Variants in PCDH9 observed in about 807,000 individuals in gnomAD.
PCDH9 encodes protocadherin 9, also known as protocadherin-9.
A neutral mutation model predicts 70.6 loss-of-function variants in PCDH9; 24 were observed. That is an observed-to-expected ratio of 0.34 (90% CI 0.25 to 0.48). PCDH9 has a LOEUF of 0.48. PCDH9 is among the 20% of genes least tolerant of loss of function. PCDH9 has a pLI of 0.99. For synonymous variants in PCDH9, 562 were observed against 558.5 expected (o/e 1.01, Z -0.09); for missense variants, 1,281 against 1,503.6 (o/e 0.85, Z 2.45).
chr13:67,183,058 TTAC>T (rs1207672185), intron 2 of PCDH9, among the ~76,000 whole-genome samples: 1 of 152,160 alleles, frequency 6.6e-6, no homozygotes, highest in Non-Finnish European at 1.5e-5. Flanking sequence ...TCTATGACTG[TTAC>T]TACTACTATA....
At chr13:67,094,012 C>T (rs2086271363) in intron 2 of PCDH9, among the ~76,000 whole-genome samples, 1 of 152,118 alleles carries the variant, frequency 6.6e-6, no homozygotes, top group Admixed American at 6.6e-5. Context: ...CTCCCATTGT[C>T]TCTGAAGAAT....
chr13:66,630,937 A>G (rs557254133), intron 4 of PCDH9, among the ~76,000 whole-genome samples: 12 of 152,266 alleles, frequency 7.9e-5, no homozygotes, highest in African/African-American at 2.9e-4. Context: ...TGACATCAGA[A>G]TATCTTGCAA....
chr13:67,118,642 A>T (rs1271211783), intron 2 of PCDH9, among the ~76,000 whole-genome samples: 1 of 152,152 alleles, frequency 6.6e-6, no homozygotes, highest in Non-Finnish European at 1.5e-5. Flanking sequence ...ATACACATAC[A>T]CCTTTAAATT....
intron 3 of PCDH9, among the ~76,000 whole-genome samples, chr13:66,858,539 T>G (rs966347549): frequency 2.0e-5 from 3 of 152,166 alleles, no homozygotes; most frequent in African/African-American, 7.2e-5. Context: ...TTTCCCTCTG[T>G]GTAGAATTTC....
intron 3 of PCDH9, among the ~76,000 whole-genome samples, chr13:66,665,364 C>A (rs1736126063): frequency 6.6e-6 from 1 of 152,122 alleles, no homozygotes; most frequent in African/African-American, 2.4e-5. Context: ...TCCCAAAGTG[C>A]TGGGATTACA....
chr13:66,462,904 A>C (rs1290155773), intron 4 of PCDH9, among the ~76,000 whole-genome samples: 1 of 151,812 alleles, frequency 6.6e-6, no homozygotes, highest in Non-Finnish European at 1.5e-5. Flanking sequence ...TATACAAAGA[A>C]TTTTAACAAT....
intron 3 of PCDH9, among the ~76,000 whole-genome samples, chr13:66,732,142 G>A (rs1253482447): frequency 6.6e-6 from 1 of 151,610 alleles, no homozygotes; most frequent in Non-Finnish European, 1.5e-5. Flanking sequence ...AACTTTCTTT[G>A]ATATACAATA....
chr13:67,197,262 T>A (rs2138040330), intron 2 of PCDH9, among the ~76,000 whole-genome samples: 1 of 152,072 alleles, frequency 6.6e-6, no homozygotes, highest in South Asian at 2.1e-4. Flanking sequence ...ATCAATGCAT[T>A]CATTCCTATG....
At chr13:66,899,736 T>A (rs1287362364) in intron 3 of PCDH9, among the ~76,000 whole-genome samples, 1 of 151,978 alleles carries the variant, frequency 6.6e-6, no homozygotes, top group Non-Finnish European at 1.5e-5. Context: ...ATTATGCATT[T>A]ATGGCATAAA....
At chr13:66,762,722 C>T (rs186024256) in intron 3 of PCDH9, among the ~76,000 whole-genome samples, 11 of 151,918 alleles carry the variant, frequency 7.2e-5, no homozygotes, top group South Asian at 4.2e-4. Context: ...CCATCTAACT[C>T]GACTCAATCC....
intron 3 of PCDH9, among the ~76,000 whole-genome samples, chr13:66,717,150 C>A (rs865873474): frequency 1.3e-5 from 2 of 151,730 alleles, no homozygotes; most frequent in African/African-American, 4.8e-5. Context: ...CACCATATGG[C>A]AACTTTAAAA....
chr13:66,957,942 A>C (rs1193417565), intron 2 of PCDH9, among the ~76,000 whole-genome samples: 1 of 152,246 alleles, frequency 6.6e-6, no homozygotes, highest in African/African-American at 2.4e-5. Context: ...AGGTGACATT[A>C]CACTTTTTAT....
rs145911964 is a variant in PCDH9 at position 67,005,450 on chromosome 13, G to A, written c.3037-101845C>T. Among the ~76,000 whole-genome samples the A allele has an allele frequency of 2.0e-4, 30 of 152,242 alleles. No homozygotes were observed. The East Asian group carries it at 5.6e-3, about 28-fold the overall frequency. On this transcript the variant is annotated intron_variant, in intron 2 of 4. Coordinates refer to ENST00000377865, the MANE Select transcript of PCDH9 (RefSeq NM_203487.3). ...AATTTCAGATAATACTTATTACTTTGTCATTAGAACTCATTCCCCTCACAC... is the reference window on the plus strand; with the variant it reads ...AATTTCAGATAATACTTATTACTTTATCATTAGAACTCATTCCCCTCACAC...
chr13:66,925,797 A>T (rs994583504), intron 2 of PCDH9, among the ~76,000 whole-genome samples: 1 of 152,038 alleles, frequency 6.6e-6, no homozygotes. Context: ...ATTTTCAATG[A>T]TACTTTGTAA....
intron 4 of PCDH9, among the ~76,000 whole-genome samples, chr13:66,427,610 G>A (rs1355487804): frequency 6.6e-6 from 1 of 151,730 alleles, no homozygotes; most frequent in Non-Finnish European, 1.5e-5. Context: ...TCACAGAATG[G>A]CTTCCTTTCT....
intron 2 of PCDH9, among the ~76,000 whole-genome samples, chr13:67,165,844 G>C (rs552721017): frequency 3.2e-4 from 48 of 152,182 alleles, no homozygotes; most frequent in African/African-American, 1.0e-3. Flanking sequence ...TTTTTCATTA[G>C]TGTAACAAAT....
chr13:67,201,020 A>T (rs1281925024), intron 2 of PCDH9: 18 of 152,118 alleles, frequency 1.2e-4, no homozygotes. Flanking sequence ...CACTGTACAA[A>T]ACAATTTCTG....
chr13:66,584,961 G>T (rs1351957512), intron 4 of PCDH9, among the ~76,000 whole-genome samples: 1 of 152,054 alleles, frequency 6.6e-6, no homozygotes, highest in African/African-American at 2.4e-5. Context: ...AAGTGATACG[G>T]TCATCCCAGT....
intron 4 of PCDH9, among the ~76,000 whole-genome samples, chr13:66,486,595 C>T (rs995157461): frequency 2.0e-5 from 3 of 148,078 alleles, no homozygotes; most frequent in African/African-American, 7.5e-5. Flanking sequence ...ATGATTGTGC[C>T]ATTGCTCTCC....
Sources: allele counts gnomAD v4.1 joint callset (sites outside exome capture counted in the v4.1 genomes callset), GRCh38; gene constraint gnomAD v4.1.1; transcripts MANE v1.5; gene names NCBI Gene and HGNC (gene_info 2026-07-23, HGNC 2026-07-21).